The following PCCA variants were observed in gnomAD, a reference collection of about 807,000 sequenced individuals.
PCCA encodes propionyl-CoA carboxylase subunit alpha.
A neutral mutation model predicts 101.3 loss-of-function variants in PCCA; 74 were observed. The observed-to-expected ratio is 0.73, with a 90% CI of 0.61 to 0.89. The LOEUF (loss-of-function observed/expected upper bound fraction) is 0.89. Ranked by LOEUF, PCCA falls within the 40% of genes least tolerant of loss-of-function variation. The probability of loss-of-function intolerance (pLI) is 0.00; values close to 1 mark genes in which losing one functional copy is unlikely to be tolerated. For missense variants in PCCA, 891 were observed against 907.0 expected (o/e 0.98, Z 0.23); for synonymous variants, 294 against 313.6 (o/e 0.94, Z 0.66).
At chr13:100,306,752 G>T (rs575569060) in intron 14 of PCCA, among the ~76,000 whole-genome samples, 42 of 152,322 alleles carry the variant, frequency 2.8e-4, no homozygotes, top group Middle Eastern at 3.4e-3. Context: ...AGGCAGAAAA[G>T]GAAAGTGTTA....
intron 19 of PCCA, among the ~76,000 whole-genome samples, chr13:100,388,505 A>T (rs2076637019): frequency 6.6e-6 from 1 of 152,148 alleles, no homozygotes; most frequent in Non-Finnish European, 1.5e-5. Flanking sequence ...AAATTTAAAA[A>T]AGTTTTAAGA....
At position 100,205,407 on chromosome 13, in the gene PCCA, A is replaced by T. The variant is rs189672468; in HGVS notation, c.469-3925A>T. 3.7e-3 allele frequency among the ~76,000 whole-genome samples: 571 copies of T among 152,274 alleles called. 8 individuals carry two copies. Among genetic ancestry groups the T allele is most frequent in the Non-Finnish European group, 3.5e-3 (239 of 68,024 alleles). On this transcript the variant is annotated intron_variant, in intron 6 of 23. Coordinates refer to ENST00000376285, the MANE Select transcript of PCCA (RefSeq NM_000282.4). ...ATTACTTTTAAAGGCCAATCTAGGGAGCACTTCCAAAACACATTGATAAAA... is the reference window on the plus strand; with the variant it reads ...ATTACTTTTAAAGGCCAATCTAGGGTGCACTTCCAAAACACATTGATAAAA...
intron 6 of PCCA, among the ~76,000 whole-genome samples, chr13:100,208,733 A>T (rs1276911733): frequency 6.6e-6 from 1 of 152,084 alleles, no homozygotes; most frequent in Non-Finnish European, 1.5e-5. Context: ...ATTGAAACTG[A>T]ACTCTACCCA....
chr13:100,195,462 G>A (rs886357833), intron 6 of PCCA, among the ~76,000 whole-genome samples: 2 of 152,130 alleles, frequency 1.3e-5, no homozygotes, highest in Non-Finnish European at 2.9e-5. Flanking sequence ...TTTCATTAGC[G>A]TTCTAATATT....
chr13:100,247,215 G>GTTT lies in PCCA; in HGVS notation c.638-10362_638-10360dup, dbSNP rs143058621. The stretch of plus-strand genomic sequence containing the variant: ...AAGCCACTGCGCCCAGCCTGTGTGG[G>GTTT]TTTTTTTTTTTTTTTTTTTTGAGAC... On this transcript the variant is annotated intron_variant, in intron 8 of 23. Coordinates refer to ENST00000376285, the MANE Select transcript of PCCA (RefSeq NM_000282.4). 1.4e-3 allele frequency among the ~76,000 whole-genome samples: 149 copies of GTTT among 108,240 alleles called. 3 individuals carry two copies. Among genetic ancestry groups the GTTT allele is most frequent in the African/African-American group, 5.2e-3 (140 of 27,172 alleles). 71.0% of individuals were successfully genotyped at this position (108,240 alleles called of 152,430 possible). A position where few individuals can be genotyped will look rare whatever the true frequency, so the allele number is the denominator to read the frequency against.
At chr13:100,529,951 G>T in intron 23 of PCCA, 147 bp from the exon 24 acceptor site, 1 of 684,962 alleles carries the variant, frequency 1.5e-6, no homozygotes, top group Non-Finnish European at 2.6e-6. Context: ...TCCCTTCGAT[G>T]GGCTCCGGTG....
At chr13:100,320,859 T>C (rs2184553) in intron 16 of PCCA, among the ~76,000 whole-genome samples, 140,897 of 152,186 alleles carry the variant, frequency 0.93, 66,188 homozygotes, top group East Asian at 1. Context: ...TCAAGTGATC[T>C]CCCTGCCTCT....
intron 18 of PCCA, among the ~76,000 whole-genome samples, chr13:100,355,590 A>G (rs965887724): frequency 2.0e-5 from 3 of 152,176 alleles, no homozygotes; most frequent in African/African-American, 7.2e-5. Context: ...ACAATACTTA[A>G]ATGTAAATTT....
chr13:100,446,727 A>G (rs992966589), intron 20 of PCCA, among the ~76,000 whole-genome samples: 1 of 152,184 alleles, frequency 6.6e-6, no homozygotes, highest in Non-Finnish European at 1.5e-5. Flanking sequence ...TAAGTTCAAC[A>G]TGTGTGTATA....
chr13:100,278,485 A>ATTT (rs35433903), intron 12 of PCCA, among the ~76,000 whole-genome samples: 1 of 141,670 alleles, frequency 7.1e-6, no homozygotes. Flanking sequence ...CCGATAGTTG[A>ATTT]TTTTTTTTTT....
chr13:100,188,294 AAAAACAAAAC>A (rs60307671), intron 6 of PCCA, among the ~76,000 whole-genome samples: 12 of 147,018 alleles, frequency 8.2e-5, no homozygotes, highest in South Asian at 2.2e-4. Flanking sequence ...TCTGTCTCAA[AAAAACAAAAC>A]AAAACAAAAC....
At chr13:100,408,896 TA>T (rs2077849038) in intron 19 of PCCA, among the ~76,000 whole-genome samples, 1 of 152,112 alleles carries the variant, frequency 6.6e-6, no homozygotes, top group Non-Finnish European at 1.5e-5. Context: ...AACAGCAGGT[TA>T]AAAAATGCCT....
intron 21 of PCCA, among the ~76,000 whole-genome samples, chr13:100,488,116 G>A (rs963421573): frequency 1.3e-5 from 2 of 151,836 alleles, no homozygotes; most frequent in Non-Finnish European, 2.9e-5. Flanking sequence ...TTTTTGAGAC[G>A]GAGGTTCGCT....
intron 18 of PCCA, among the ~76,000 whole-genome samples, chr13:100,362,724 T>C (rs891805165): frequency 5.3e-5 from 8 of 152,230 alleles, no homozygotes; most frequent in Non-Finnish European, 1.0e-4. Context: ...TATTCTATCC[T>C]AGATTCAGAT....
intron 18 of PCCA, among the ~76,000 whole-genome samples, chr13:100,347,375 A>C (rs552670170): frequency 6.6e-6 from 1 of 152,310 alleles, no homozygotes; most frequent in African/African-American, 2.4e-5. Flanking sequence ...TATATACTAA[A>C]ATGCATTCTG....
At chr13:100,110,519 A>G (rs2048214156) in intron 2 of PCCA, among the ~76,000 whole-genome samples, 1 of 152,184 alleles carries the variant, frequency 6.6e-6, no homozygotes, top group South Asian at 2.1e-4. Context: ...CAGGATACAC[A>G]ACTTCTCTAC....
chr13:100,113,838 C>T (rs2048549923), intron 4 of PCCA, among the ~76,000 whole-genome samples: 1 of 152,160 alleles, frequency 6.6e-6, no homozygotes, highest in Admixed American at 6.5e-5. Context: ...TTTGGCCTCC[C>T]AACGTGCTGG....
chr13:100,147,220 G>C (rs980038291), intron 4 of PCCA, among the ~76,000 whole-genome samples: 1 of 151,570 alleles, frequency 6.6e-6, no homozygotes, highest in East Asian at 2.0e-4. Context: ...CCTTTAAAAC[G>C]GGGCAGGGAA....
chr13:100,460,918 C>G (rs2082124226), intron 21 of PCCA, among the ~76,000 whole-genome samples: 1 of 152,142 alleles, frequency 6.6e-6, no homozygotes, highest in Non-Finnish European at 1.5e-5. Context: ...CCTTACCTAG[C>G]TTCTAAATGG....
Sources: gnomAD v4.1 joint callset for allele counts (sites outside exome capture counted in the v4.1 genomes callset) on GRCh38, gnomAD v4.1.1 for gene constraint, MANE v1.5 for transcripts, NCBI Gene and HGNC (gene_info 2026-07-23, HGNC 2026-07-21) for gene names.